The following DSCAM variants were observed in gnomAD, a reference collection of about 807,000 sequenced individuals.
The protein encoded by DSCAM is DS cell adhesion molecule.
Under a neutral mutation model 217.7 loss-of-function variants are expected in DSCAM, and 47 were observed. The ratio of observed to expected loss-of-function variants is 0.22; its 90% CI spans 0.17 to 0.28. The LOEUF (loss-of-function observed/expected upper bound fraction) is 0.28. DSCAM is among the 10% of genes least tolerant of loss of function. The pLI is 1.00. For synonymous variants in DSCAM, 1,056 were observed against 1,015.3 expected (o/e 1.04, Z -0.76); for missense variants, 2,080 against 2,618.3 (o/e 0.79, Z 4.49).
intron 1 of DSCAM, among the ~76,000 whole-genome samples, chr21:40,781,825 G>T (rs2091546676): frequency 6.6e-6 from 1 of 151,930 alleles, no homozygotes; most frequent in Non-Finnish European, 1.5e-5. Context: ...TCAAGCTACT[G>T]CATCTTCTTC....
At chr21:40,249,925 A>T (rs934948195) in intron 11 of DSCAM, among the ~76,000 whole-genome samples, 1 of 152,236 alleles carries the variant, frequency 6.6e-6, no homozygotes, top group Non-Finnish European at 1.5e-5. Context: ...GCCTCCTGGC[A>T]CTATTCCAAG....
chr21:40,408,246 G>A (rs573988102), intron 3 of DSCAM, among the ~76,000 whole-genome samples: 7 of 152,208 alleles, frequency 4.6e-5, no homozygotes, highest in Non-Finnish European at 8.8e-5. Context: ...TGATGACGTG[G>A]ATGATGAGAA....
chr21:40,167,187 C>T, intron 16 of DSCAM, 31 bp downstream of exon 16: 4 of 1,606,832 alleles, frequency 2.5e-6, no homozygotes, highest in Non-Finnish European at 3.4e-6. Context: ...GGGGGGAAAG[C>T]ACCGAGAATA....
chr21:40,578,297 G>C (rs1014794638), intron 3 of DSCAM, among the ~76,000 whole-genome samples: 1 of 152,182 alleles, frequency 6.6e-6, no homozygotes, highest in African/African-American at 2.4e-5. Flanking sequence ...AAGTCAGTTG[G>C]GCTTCTGGGT....
chr21:40,189,931 A>T (rs16999459), intron 11 of DSCAM, among the ~76,000 whole-genome samples: 11,498 of 152,280 alleles, frequency 0.076, 1,378 homozygotes, highest in African/African-American at 0.25. Context: ...AACTATCATT[A>T]TAAACAATGG....
chr21:40,559,985 G>A (rs761777035), intron 3 of DSCAM, among the ~76,000 whole-genome samples: 3 of 151,886 alleles, frequency 2.0e-5, no homozygotes, highest in Non-Finnish European at 4.4e-5. Flanking sequence ...AGTAGAGACG[G>A]GGTTTCACCG....
intron 1 of DSCAM, among the ~76,000 whole-genome samples, chr21:40,809,597 G>T (rs1469513555): frequency 6.6e-6 from 1 of 152,212 alleles, no homozygotes; most frequent in East Asian, 1.9e-4. Context: ...TAAACTGTCA[G>T]CCTAGACCCT....
chr21:40,078,611 C>T (rs544949981), intron 26 of DSCAM, 76 bp downstream of exon 26: 54 of 1,541,330 alleles, frequency 3.5e-5, no homozygotes, highest in Middle Eastern at 4.8e-4. Context: ...AGATGATGTT[C>T]GATGGGAAAG....
At chr21:40,723,793 A>G (rs1224452115) in intron 1 of DSCAM, among the ~76,000 whole-genome samples, 1 of 152,206 alleles carries the variant, frequency 6.6e-6, no homozygotes, top group African/African-American at 2.4e-5. Flanking sequence ...GACAAAAAGA[A>G]TTTCTGAGGT....
At chr21:40,439,095 T>C (rs1033624662) in intron 3 of DSCAM, among the ~76,000 whole-genome samples, 1 of 152,166 alleles carries the variant, frequency 6.6e-6, no homozygotes, top group Admixed American at 6.5e-5. Context: ...TTTAGGCAAA[T>C]TGCTGAACCT....
chr21:40,398,457 A>G (rs1433257953), intron 3 of DSCAM, among the ~76,000 whole-genome samples: 1 of 152,140 alleles, frequency 6.6e-6, no homozygotes, highest in Non-Finnish European at 1.5e-5. Context: ...GTTTAAAATA[A>G]TAAATAACTT....
chr21:40,435,313 CTAA>C (rs1346299455), intron 3 of DSCAM, among the ~76,000 whole-genome samples: 3 of 152,172 alleles, frequency 2.0e-5, no homozygotes, highest in African/African-American at 7.2e-5. Context: ...TTCAACTTCT[CTAA>C]TGTTTGTTTA....
intron 11 of DSCAM, among the ~76,000 whole-genome samples, chr21:40,216,719 G>A (rs975982280): frequency 1.5e-4 from 23 of 152,330 alleles, no homozygotes; most frequent in African/African-American, 5.3e-4. Flanking sequence ...TGTCACAGCA[G>A]CACAGGTAAC....
intron 17 of DSCAM, among the ~76,000 whole-genome samples, chr21:40,143,386 T>C (rs1428992637): frequency 6.6e-6 from 1 of 152,222 alleles, no homozygotes; most frequent in Non-Finnish European, 1.5e-5. Flanking sequence ...TAACGACTAT[T>C]GCAATTATGA....
At chr21:40,113,675 C>G (rs2089929639) in intron 20 of DSCAM, among the ~76,000 whole-genome samples, 1 of 152,128 alleles carries the variant, frequency 6.6e-6, no homozygotes, top group Admixed American at 6.5e-5. Flanking sequence ...ATCGTCTCAG[C>G]CCAAAATCTC....
chr21:40,761,433 A>G (rs1321550272), intron 1 of DSCAM, among the ~76,000 whole-genome samples: 2 of 127,018 alleles, frequency 1.6e-5, no homozygotes, highest in African/African-American at 6.0e-5. Flanking sequence ...TCCATCTCTC[A>G]TCTTATATTT....
chr21:40,596,869 CATATAT>C (rs3070786), intron 3 of DSCAM, among the ~76,000 whole-genome samples: 1 of 150,780 alleles, frequency 6.6e-6, no homozygotes, highest in Non-Finnish European at 1.5e-5. Context: ...ACAAATATTT[CATATAT>C]ATATATATGC....
chr21:40,443,808 G>T (rs1266775995), intron 3 of DSCAM, among the ~76,000 whole-genome samples: 1 of 152,136 alleles, frequency 6.6e-6, no homozygotes, highest in African/African-American at 2.4e-5. Flanking sequence ...GACATGAAAT[G>T]AAATATTTTA....
chr21:40,692,004 C>T lies in DSCAM; in HGVS notation c.508+806G>A, dbSNP rs958437041. Reference sequence around the variant, plus strand: ...CATGTGTGTTGTGCGTGTGTGCACCCGCATGTGAGGGCATACAGACATGTC... The same window carrying T: ...CATGTGTGTTGTGCGTGTGTGCACCTGCATGTGAGGGCATACAGACATGTC... On this transcript the variant is annotated intron_variant, in intron 3 of 32. Coordinates refer to ENST00000400454, the MANE Select transcript of DSCAM (RefSeq NM_001389.5). Among the ~76,000 whole-genome samples, 10 of 152,136 alleles carry T rather than the reference C, an allele frequency of 6.6e-5. No homozygotes were observed. The East Asian group carries it at 7.7e-4, about 12-fold the overall frequency.
Sources: gnomAD v4.1 joint callset for allele counts (sites outside exome capture counted in the v4.1 genomes callset) on GRCh38, gnomAD v4.1.1 for gene constraint, MANE v1.5 for transcripts, NCBI Gene and HGNC (gene_info 2026-07-23, HGNC 2026-07-21) for gene names.